MACROD2: variants seen among roughly 807,000 people sequenced by gnomAD.
MACROD2 encodes the protein mono-ADP ribosylhydrolase 2, also known as ADP-ribose glycohydrolase MACROD2.
In MACROD2, 36 loss-of-function variants were observed where a neutral mutation model predicts 70.4. The observed-to-expected ratio is 0.51, with a 90% CI of 0.39 to 0.68. MACROD2 has a LOEUF of 0.68. Ranked by LOEUF, MACROD2 falls within the 30% of genes least tolerant of loss-of-function variation. The pLI is 0.00. For missense variants in MACROD2, 496 were observed against 538.4 expected (o/e 0.92, Z 0.78); for synonymous variants, 172 against 178.8 (o/e 0.96, Z 0.30).
Position 15,966,961 on chromosome 20 carries a change from A to T in MACROD2, c.908-592A>T, listed in dbSNP as rs140216080. 4.8e-3 allele frequency among the ~76,000 whole-genome samples: 735 copies of T among 152,302 alleles called. 6 individuals carry two copies. The highest frequency in any genetic ancestry group is 8.7e-3 in the Non-Finnish European group (589 of 68,028). ...GTTAAACATGGATATGTTTAACCAT[A>T]TCCTATAACAAAAAAAGATAAGTGT... On this transcript the variant is annotated intron_variant, in intron 12 of 17. Coordinates refer to ENST00000684519, the MANE Select transcript of MACROD2 (RefSeq NM_001351661.2).
chr20:14,210,340 G>T (rs903443141), intron 3 of MACROD2, among the ~76,000 whole-genome samples: 1 of 152,214 alleles, frequency 6.6e-6, no homozygotes, highest in Non-Finnish European at 1.5e-5. Context: ...ATCCACATGT[G>T]CAGCTAAAAG....
chr20:15,635,822 C>T (rs958236133), intron 8 of MACROD2, among the ~76,000 whole-genome samples: 3 of 151,906 alleles, frequency 2.0e-5, no homozygotes, highest in Admixed American at 6.5e-5. Flanking sequence ...AATCCCAGCG[C>T]TTTGGGAGGC....
chr20:14,670,677 G>GTA (rs2070784943), intron 4 of MACROD2, among the ~76,000 whole-genome samples: 1 of 152,124 alleles, frequency 6.6e-6, no homozygotes, highest in Non-Finnish European at 1.5e-5. Flanking sequence ...CACATCCTAG[G>GTA]TAGTGACTTA....
At chr20:14,542,953 A>G (rs1365123839) in intron 4 of MACROD2, among the ~76,000 whole-genome samples, 2 of 152,206 alleles carry the variant, frequency 1.3e-5, no homozygotes, top group Admixed American at 1.3e-4. Flanking sequence ...GTAAATTATT[A>G]TAATTTTCAG....
chr20:14,646,032 TTAAA>T (rs1163174484), intron 4 of MACROD2, among the ~76,000 whole-genome samples: 1 of 150,546 alleles, frequency 6.6e-6, no homozygotes, highest in Non-Finnish European at 1.5e-5. Context: ...AACTTATATA[TTAAA>T]TAAATAAGTT....
At chr20:14,081,204 CAAG>C (rs2053989919) in intron 2 of MACROD2, among the ~76,000 whole-genome samples, 1 of 152,194 alleles carries the variant, frequency 6.6e-6, no homozygotes, top group African/African-American at 2.4e-5. Context: ...TTGCCTTCAG[CAAG>C]AATACTGTTC....
chr20:14,406,462 G>A (rs538523236), intron 3 of MACROD2, among the ~76,000 whole-genome samples: 1 of 152,174 alleles, frequency 6.6e-6, no homozygotes, highest in South Asian at 2.1e-4. Flanking sequence ...TGTGAAAGAA[G>A]ATTTTTAGAA....
Position 14,890,989 on chromosome 20 carries a change from T to TCCTC in MACROD2, c.418+206046_418+206049dup, listed in dbSNP as rs71190165. Among the ~76,000 whole-genome samples, 462 of 69,864 alleles carry TCCTC rather than the reference T, an allele frequency of 6.6e-3. 6 individuals carry two copies. The highest frequency in any genetic ancestry group is 9.4e-3 in the African/African-American group (174 of 18,454). 45.8% of individuals were successfully genotyped at this position (69,864 alleles called of 152,430 possible). A position where few individuals can be genotyped will look rare whatever the true frequency, so the allele number is the denominator to read the frequency against. On this transcript the variant is annotated intron_variant, in intron 5 of 17. Transcript: ENST00000684519. Reference sequence around the variant, plus strand: ...TTCCTTCCTTCCTTCCTTCCTTCCTTCCTCCCTCCCTCCCTCCCTTCCTAC... The same window carrying TCCTC: ...TTCCTTCCTTCCTTCCTTCCTTCCTTCCTCCCTCCCTCCCTCCCTCCCTTCCTAC...
In MACROD2 at chr20:14,491,904, A is replaced by G. The variant is rs531015163; in HGVS notation, c.272-1575A>G. On this transcript the variant is annotated intron_variant, in intron 3 of 17. Coordinates refer to ENST00000684519, the MANE Select transcript of MACROD2 (RefSeq NM_001351661.2). ...GAGGTAATTCTCAGTCAAATATGAA[A>G]ATAAAAAATCAGCAGGAGTGTGAAA... Among the ~76,000 whole-genome samples, 8 of 152,280 alleles carry G rather than the reference A, an allele frequency of 5.3e-5. No homozygotes were observed. The South Asian group carries it at 1.7e-3, about 32-fold the overall frequency.
intron 4 of MACROD2, among the ~76,000 whole-genome samples, chr20:14,597,695 A>G (rs971169452): frequency 2.0e-5 from 3 of 152,094 alleles, no homozygotes; most frequent in African/African-American, 7.2e-5. Context: ...CTTGCCTTTT[A>G]CCTCATGTGT....
intron 5 of MACROD2, among the ~76,000 whole-genome samples, chr20:15,182,527 G>A (rs569907412): frequency 6.6e-6 from 1 of 152,140 alleles, no homozygotes; most frequent in Non-Finnish European, 1.5e-5. Context: ...TGGCTCATTA[G>A]ACCTTAATGA....
intron 3 of MACROD2, among the ~76,000 whole-genome samples, chr20:14,464,740 G>C (rs1413975810): frequency 6.6e-6 from 1 of 151,740 alleles, no homozygotes; most frequent in Non-Finnish European, 1.5e-5. Context: ...TTGTGTCTTT[G>C]TTCTCGTTGG....
chr20:15,952,117 A>G (rs1456862984), intron 12 of MACROD2, among the ~76,000 whole-genome samples: 2 of 150,962 alleles, frequency 1.3e-5, no homozygotes, highest in Non-Finnish European at 3.0e-5. Context: ...GCCTGCCACC[A>G]TCCATGTAAG....
chr20:15,244,038 A>G (rs2077084245), intron 6 of MACROD2, among the ~76,000 whole-genome samples: 1 of 152,196 alleles, frequency 6.6e-6, no homozygotes, highest in South Asian at 2.1e-4. Flanking sequence ...ATATGAAGAT[A>G]ATAAGTACTC....
At chr20:14,133,671 C>A (rs535820626) in intron 3 of MACROD2, among the ~76,000 whole-genome samples, 1 of 152,142 alleles carries the variant, frequency 6.6e-6, no homozygotes, top group Non-Finnish European at 1.5e-5. Context: ...CTTATGTATA[C>A]CTTGATAAGC....
intron 7 of MACROD2, among the ~76,000 whole-genome samples, chr20:15,491,712 T>G (rs746451614): frequency 6.6e-6 from 1 of 152,190 alleles, no homozygotes; most frequent in Admixed American, 6.5e-5. Flanking sequence ...CCTTGTTCCC[T>G]GGTCCTTTAG....
At chr20:15,641,278 T>C (rs1056176574) in intron 8 of MACROD2, among the ~76,000 whole-genome samples, 3 of 152,228 alleles carry the variant, frequency 2.0e-5, no homozygotes, top group African/African-American at 7.2e-5. Flanking sequence ...AACTCTTATA[T>C]CTAAGCACTT....
intron 3 of MACROD2, among the ~76,000 whole-genome samples, chr20:14,261,096 A>G (rs1184014503): frequency 6.6e-6 from 1 of 152,240 alleles, no homozygotes; most frequent in Non-Finnish European, 1.5e-5. Context: ...TTGGATACAT[A>G]GTGAAAACAA....
intron 15 of MACROD2, among the ~76,000 whole-genome samples, chr20:16,021,268 G>A (rs1484243513): frequency 2.6e-5 from 4 of 152,134 alleles, no homozygotes; most frequent in South Asian, 2.1e-4. Context: ...ACTCATGACC[G>A]CATTCTCTCC....
Sources: gnomAD v4.1 joint callset for allele counts (sites outside exome capture counted in the v4.1 genomes callset) on GRCh38, gnomAD v4.1.1 for gene constraint, MANE v1.5 for transcripts, NCBI Gene and HGNC (gene_info 2026-07-23, HGNC 2026-07-21) for gene names.